Variants in PIGL observed in about 807,000 individuals in gnomAD.
PIGL encodes the protein phosphatidylinositol glycan anchor biosynthesis class L.
A neutral mutation model predicts 31.1 loss-of-function variants in PIGL; 22 were observed. The ratio of observed to expected loss-of-function variants is 0.71; its 90% CI spans 0.51 to 1.01. The LOEUF (loss-of-function observed/expected upper bound fraction) is 1.01. Among genes scored for constraint, PIGL ranks in the 50% least tolerant of loss-of-function variants. PIGL has a pLI of 0.00. For missense variants in PIGL, 302 were observed against 315.9 expected (o/e 0.96, Z 0.33); for synonymous variants, 131 against 117.4 (o/e 1.12, Z -0.75).
At chr17:16,222,521 CAA>C (rs58718383) in intron 1 of PIGL, among the ~76,000 whole-genome samples, 7,520 of 152,002 alleles carry the variant, frequency 0.049, 221 homozygotes, top group African/African-American at 0.093. Context: ...AACTGAATCA[CAA>C]AGTTTAAGTA....
chr17:16,272,901 T>C (rs1230418424), intron 2 of PIGL, among the ~76,000 whole-genome samples: 1 of 152,106 alleles, frequency 6.6e-6, no homozygotes, highest in Admixed American at 6.6e-5. Context: ...CACTCTGTAG[T>C]TGTGATTGAG....
intron 1 of PIGL, among the ~76,000 whole-genome samples, chr17:16,220,708 A>G (rs1480253010): frequency 1.3e-5 from 2 of 152,002 alleles, no homozygotes; most frequent in Non-Finnish European, 1.5e-5. Flanking sequence ...GCTGGTCTCA[A>G]AACTCCCGAC....
At chr17:16,241,114 C>CAAAAAAA (rs35578509) in intron 2 of PIGL, among the ~76,000 whole-genome samples, 2 of 52,986 alleles carry the variant, frequency 3.8e-5, no homozygotes, top group African/African-American at 7.3e-5. Context: ...AACTCCCTCT[C>CAAAAAAA]AAAAAAAAAA....
intron 1 of PIGL, among the ~76,000 whole-genome samples, chr17:16,218,826 A>T (rs1305533363): frequency 6.6e-6 from 1 of 151,650 alleles, no homozygotes; most frequent in Non-Finnish European, 1.5e-5. Context: ...TTACAAGCGC[A>T]TGCCACCACA....
At chr17:16,301,374 C>T (rs1480449905) in intron 3 of PIGL, among the ~76,000 whole-genome samples, 3 of 151,294 alleles carry the variant, frequency 2.0e-5, no homozygotes, top group Non-Finnish European at 4.4e-5. Context: ...AAGTGATTCT[C>T]CTGCCTCAGC....
intron 2 of PIGL, among the ~76,000 whole-genome samples, chr17:16,297,697 T>C (rs1305760769): frequency 1.3e-5 from 2 of 152,198 alleles, no homozygotes; most frequent in African/African-American, 2.4e-5. Context: ...TCCCGCTTTA[T>C]CCCTTTCTCC....
At chr17:16,250,984 C>G (rs2092768700) in intron 2 of PIGL, among the ~76,000 whole-genome samples, 1 of 151,888 alleles carries the variant, frequency 6.6e-6, no homozygotes, top group Non-Finnish European at 1.5e-5. Context: ...TTTTTTGTTT[C>G]ACAGGAAGAA....
chr17:16,219,417 C>T, intron 1 of PIGL, among the ~76,000 whole-genome samples: 1 of 152,074 alleles, frequency 6.6e-6, no homozygotes, highest in East Asian at 1.9e-4. Flanking sequence ...CCTTTGTTAC[C>T]AGTAAAAGTA....
chr17:16,286,257 CTG>C (rs2092937068), intron 2 of PIGL, among the ~76,000 whole-genome samples: 1 of 152,244 alleles, frequency 6.6e-6, no homozygotes, highest in African/African-American at 2.4e-5. Flanking sequence ...CAGAGATAAG[CTG>C]TTACCCAACC....
intron 2 of PIGL, among the ~76,000 whole-genome samples, chr17:16,272,801 A>T (rs543066186): frequency 6.6e-6 from 1 of 151,374 alleles, no homozygotes; most frequent in Non-Finnish European, 1.5e-5. Context: ...CTGTCCTCCT[A>T]CCTCCTTACT....
intron 1 of PIGL, among the ~76,000 whole-genome samples, chr17:16,228,555 A>AT (rs1256436829): frequency 6.7e-6 from 1 of 149,886 alleles, no homozygotes; most frequent in Non-Finnish European, 1.5e-5. Flanking sequence ...CGCCCGGCTA[A>AT]TTTTTTGTAT....
chr17:16,313,339 A>G (rs2093062901), intron 3 of PIGL, among the ~76,000 whole-genome samples: 2 of 152,260 alleles, frequency 1.3e-5, no homozygotes, highest in Non-Finnish European at 2.9e-5. Flanking sequence ...GAACAAGAGT[A>G]AAACATCAAA....
At chr17:16,288,137 A>G (rs1480797450) in intron 2 of PIGL, among the ~76,000 whole-genome samples, 2 of 152,198 alleles carry the variant, frequency 1.3e-5, no homozygotes, top group Admixed American at 1.3e-4. Context: ...GAAGGAATAT[A>G]TGTTGGCCGT....
intron 1 of PIGL, among the ~76,000 whole-genome samples, chr17:16,223,882 T>C (rs1164893228): frequency 2.6e-5 from 4 of 152,076 alleles, no homozygotes; most frequent in East Asian, 1.9e-4. Context: ...CTATACACTT[T>C]AGTCATCTCA....
intron 1 of PIGL, among the ~76,000 whole-genome samples, chr17:16,219,142 CTG>C (rs1421744752): frequency 6.0e-5 from 9 of 150,598 alleles, no homozygotes; most frequent in East Asian, 5.8e-4. Context: ...TCTCGGCTCA[CTG>C]TAAGTTCTGC....
At position 16,253,185 on chromosome 17, in the gene PIGL, C is replaced by T. The variant is rs569121586; in HGVS notation, c.335+19115C>T. On this transcript the variant is annotated intron_variant, in intron 2 of 6. Transcript: ENST00000225609. ...AAGAGAATAGCTTGAACCCGGGAGG[C>T]GGAGGTTGCAGTGAGCCGAGATCAC... is the stretch of plus-strand genomic sequence containing the variant. Among the ~76,000 whole-genome samples the T allele has an allele frequency of 3.3e-5, 5 of 150,350 alleles. No homozygotes were observed. The East Asian group carries it at 5.9e-4, about 18-fold the overall frequency.
intron 2 of PIGL, among the ~76,000 whole-genome samples, chr17:16,258,174 C>CTT (rs145157349): frequency 8.8e-6 from 1 of 113,460 alleles, no homozygotes; most frequent in Non-Finnish European, 1.8e-5. Flanking sequence ...CGGAAGTAGA[C>CTT]TTTTTTTTTC....
At chr17:16,278,919 A>C (rs1036448779) in intron 2 of PIGL, among the ~76,000 whole-genome samples, 2 of 152,204 alleles carry the variant, frequency 1.3e-5, no homozygotes, top group Non-Finnish European at 2.9e-5. Context: ...CACACAACCC[A>C]TATAAATACA....
chr17:16,256,061 C>T (rs1384022354), intron 2 of PIGL, among the ~76,000 whole-genome samples: 2 of 152,030 alleles, frequency 1.3e-5, no homozygotes, highest in Non-Finnish European at 2.9e-5. Context: ...AGGAACAAAG[C>T]ATGCATTTGG....
Sources: gnomAD v4.1 joint callset for allele counts (sites outside exome capture counted in the v4.1 genomes callset) on GRCh38, gnomAD v4.1.1 for gene constraint, MANE v1.5 for transcripts, NCBI Gene and HGNC (gene_info 2026-07-23, HGNC 2026-07-21) for gene names.